Variants in DGKB observed in about 807,000 individuals in gnomAD.
DGKB encodes the protein diacylglycerol kinase beta.
In DGKB, 67 loss-of-function variants were observed where a neutral mutation model predicts 114.3. That is an observed-to-expected ratio of 0.59 (90% confidence interval 0.48 to 0.72). DGKB has a LOEUF of 0.72. Ranked by LOEUF, DGKB falls within the 30% of genes least tolerant of loss-of-function variation. DGKB has a pLI of 0.00. For missense variants in DGKB, 907 were observed against 975.2 expected (o/e 0.93, Z 0.93); for synonymous variants, 398 against 323.1 (o/e 1.23, Z -2.49).
chr7:14,815,758 C>T (rs1157126078), intron 2 of DGKB, among the ~76,000 whole-genome samples: 1 of 152,116 alleles, frequency 6.6e-6, no homozygotes, highest in African/African-American at 2.4e-5. Context: ...TTGATTATTT[C>T]CTTATTCAAC....
chr7:14,633,663 T>A (rs1286481695), intron 13 of DGKB, among the ~76,000 whole-genome samples: 1 of 151,816 alleles, frequency 6.6e-6, no homozygotes, highest in Non-Finnish European at 1.5e-5. Flanking sequence ...TTTTTGAAAA[T>A]CATCATGAGT....
intron 25 of DGKB, among the ~76,000 whole-genome samples, chr7:14,167,405 C>G (rs991944508): frequency 6.6e-6 from 1 of 151,768 alleles, no homozygotes; most frequent in Non-Finnish European, 1.5e-5. Context: ...ACCCTGGAGG[C>G]AGATGCTACT....
intron 22 of DGKB, 93 bp from the exon 23 acceptor site, chr7:14,338,803 G>A (rs752542686): frequency 2.9e-5 from 22 of 770,500 alleles, no homozygotes; most frequent in African/African-American, 9.1e-5. Context: ...TAATAAGTGC[G>A]TTGAAATCCA....
intron 20 of DGKB, among the ~76,000 whole-genome samples, chr7:14,554,654 T>A (rs1170113281): frequency 1.3e-5 from 2 of 152,140 alleles, no homozygotes; most frequent in Non-Finnish European, 2.9e-5. Context: ...ATTTACATCA[T>A]CATGTCAATA....
At chr7:14,243,374 G>C (rs1242799225) in intron 23 of DGKB, among the ~76,000 whole-genome samples, 1 of 152,160 alleles carries the variant, frequency 6.6e-6, no homozygotes, top group Non-Finnish European at 1.5e-5. Context: ...CAGTGAGTAA[G>C]TGATAAAAAC....
chr7:14,434,558 C>T (rs1828959999), intron 21 of DGKB, among the ~76,000 whole-genome samples: 1 of 152,046 alleles, frequency 6.6e-6, no homozygotes, highest in African/African-American at 2.4e-5. Context: ...GTAGCTCCTC[C>T]CATAGAGCCC....
At chr7:14,662,171 G>C (rs1374322164) in intron 13 of DGKB, among the ~76,000 whole-genome samples, 7 of 151,074 alleles carry the variant, frequency 4.6e-5, no homozygotes, top group Non-Finnish European at 8.8e-5. Flanking sequence ...TAACCTGCAT[G>C]TTGTGCACAT....
intron 24 of DGKB, among the ~76,000 whole-genome samples, chr7:14,177,554 CAAAAAAAAA>C (rs56019837): frequency 1.4e-5 from 1 of 69,026 alleles, no homozygotes; most frequent in Non-Finnish European, 2.7e-5. Flanking sequence ...AACTCCGTCT[CAAAAAAAAA>C]AAAAAAAAAA....
chr7:14,192,496 T>C (rs1034682492), intron 23 of DGKB, among the ~76,000 whole-genome samples: 1 of 152,156 alleles, frequency 6.6e-6, no homozygotes, highest in South Asian at 2.1e-4. Context: ...ATTATATTCA[T>C]GAATTGGAAG....
At chr7:14,833,233 T>C (rs953477416) in intron 2 of DGKB, among the ~76,000 whole-genome samples, 1 of 152,124 alleles carries the variant, frequency 6.6e-6, no homozygotes, top group Non-Finnish European at 1.5e-5. Context: ...AGGTTTTTAG[T>C]CTCCTTTTCA....
chr7:14,606,823 A>G (rs1186668767), intron 17 of DGKB, among the ~76,000 whole-genome samples: 1 of 152,104 alleles, frequency 6.6e-6, no homozygotes, highest in East Asian at 1.9e-4. Flanking sequence ...CTTACCTGTT[A>G]ACAATGAAGT....
chr7:14,366,329 T>C (rs1816669183), intron 21 of DGKB, among the ~76,000 whole-genome samples: 1 of 152,150 alleles, frequency 6.6e-6, no homozygotes, highest in Non-Finnish European at 1.5e-5. Context: ...GGACATGATA[T>C]ATAGAGTTGT....
intron 6 of DGKB, among the ~76,000 whole-genome samples, chr7:14,717,066 G>C (rs545131836): frequency 6.6e-6 from 1 of 152,108 alleles, no homozygotes; most frequent in South Asian, 2.1e-4. Context: ...CAGTGGATGA[G>C]ATTCATCATG....
intron 23 of DGKB, among the ~76,000 whole-genome samples, chr7:14,236,112 A>AT (rs1189140861): frequency 1.3e-5 from 2 of 152,108 alleles, no homozygotes; most frequent in African/African-American, 4.8e-5. Context: ...TAAGAAAAAA[A>AT]TTGAGAGTGA....
intron 20 of DGKB, among the ~76,000 whole-genome samples, chr7:14,501,903 C>T (rs1377939299): frequency 6.6e-6 from 1 of 151,858 alleles, no homozygotes; most frequent in Non-Finnish European, 1.5e-5. Context: ...ATAATGGGGT[C>T]TGGACTTCGA....
At chr7:14,542,620 A>G (rs1793645738) in intron 20 of DGKB, among the ~76,000 whole-genome samples, 1 of 152,138 alleles carries the variant, frequency 6.6e-6, no homozygotes, top group Non-Finnish European at 1.5e-5. Context: ...GCAGAGGCAA[A>G]AGATTCAGAC....
At chr7:14,856,017 A>ACT in intron 1 of DGKB, among the ~76,000 whole-genome samples, 1 of 38,186 alleles carries the variant, frequency 2.6e-5, no homozygotes. Flanking sequence ...ACACACACAC[A>ACT]CACATAATTA....
intron 23 of DGKB, among the ~76,000 whole-genome samples, chr7:14,303,012 A>G (rs985796613): frequency 6.6e-6 from 1 of 152,292 alleles, no homozygotes; most frequent in Non-Finnish European, 1.5e-5. Context: ...ATCTCATCAT[A>G]TAATTTGGTT....
intron 21 of DGKB, among the ~76,000 whole-genome samples, chr7:14,446,992 C>T (rs1830807313): frequency 6.6e-6 from 1 of 152,120 alleles, no homozygotes; most frequent in Admixed American, 6.6e-5. Context: ...CCAACTTAGG[C>T]ACAGGCACAA....
Sources: allele counts gnomAD v4.1 joint callset (sites outside exome capture counted in the v4.1 genomes callset), GRCh38; gene constraint gnomAD v4.1.1; transcripts MANE v1.5; gene names NCBI Gene and HGNC (gene_info 2026-07-23, HGNC 2026-07-21).